Variants in TBCE observed in about 807,000 individuals in gnomAD.
The protein encoded by TBCE is tubulin-specific chaperone E.
A neutral mutation model predicts 77.0 loss-of-function variants in TBCE; 53 were observed. That is an observed-to-expected ratio of 0.69 (90% CI 0.55 to 0.87). The LOEUF (loss-of-function observed/expected upper bound fraction) is 0.87. Ranked by LOEUF, TBCE falls within the 40% of genes least tolerant of loss-of-function variation. TBCE has a pLI of 0.00. For synonymous variants in TBCE, 235 were observed against 241.3 expected, an observed-to-expected ratio of 0.97 and a Z score of 0.24; for missense variants, 624 against 622.4, an observed-to-expected ratio of 1.00 and a Z score of -0.03.
At chr1:235,405,436 G>A (rs958505883) in intron 3 of TBCE, among the ~76,000 whole-genome samples, 1 of 151,420 alleles carries the variant, frequency 6.6e-6, no homozygotes, top group African/African-American at 2.4e-5. Flanking sequence ...AAGAGTTCGG[G>A]ACCACCCTGG....
At chr1:235,396,962 A>G (rs550225151) in intron 2 of TBCE, among the ~76,000 whole-genome samples, 1 of 150,518 alleles carries the variant, frequency 6.6e-6, no homozygotes, top group Non-Finnish European at 1.5e-5. Flanking sequence ...TTGTTTATTT[A>G]TTTATTTATT....
At chr1:235,373,183 A>G (rs1212236750) in intron 1 of TBCE, among the ~76,000 whole-genome samples, 1 of 152,044 alleles carries the variant, frequency 6.6e-6, no homozygotes, top group Non-Finnish European at 1.5e-5. Context: ...GGAAGTTAAT[A>G]AAAGAAGTAG....
chr1:235,421,208 A>G (rs560959633), intron 5 of TBCE, among the ~76,000 whole-genome samples: 1 of 152,154 alleles, frequency 6.6e-6, no homozygotes, highest in South Asian at 2.1e-4. Flanking sequence ...ACTGTTTGAG[A>G]CCAGCCTTGG....
intron 12 of TBCE, among the ~76,000 whole-genome samples, chr1:235,437,918 A>G (rs977961994): frequency 1.3e-5 from 2 of 152,132 alleles, no homozygotes; most frequent in African/African-American, 2.4e-5. Flanking sequence ...AGCCTTGTGC[A>G]GTTTCATAAT....
intron 2 of TBCE, among the ~76,000 whole-genome samples, chr1:235,386,602 G>A (rs1386832276): frequency 6.6e-6 from 1 of 152,052 alleles, no homozygotes; most frequent in East Asian, 1.9e-4. Flanking sequence ...AGCTCCTGAG[G>A]CTTCTGCATT....
At chr1:235,375,541 T>G (rs1572312914) in intron 1 of TBCE, among the ~76,000 whole-genome samples, 1 of 151,604 alleles carries the variant, frequency 6.6e-6, no homozygotes, top group Non-Finnish European at 1.5e-5. Context: ...GCAATAAGGG[T>G]GCAGAGTGGG....
intron 7 of TBCE, 53 bp from the exon 8 acceptor site, chr1:235,434,151 G>A: frequency 1.3e-6 from 2 of 1,536,618 alleles, no homozygotes; most frequent in Non-Finnish European, 1.8e-6. Context: ...TGAACACCCG[G>A]GAAGAAACAG....
intron 8 of TBCE, 89 bp downstream of exon 8, chr1:235,434,369 T>C: frequency 8.4e-7 from 1 of 1,190,194 alleles, no homozygotes. Flanking sequence ...ACCTTAATTT[T>C]TAGAAGGATT....
At chr1:235,447,984 G>A (rs557141092) in intron 15 of TBCE, among the ~76,000 whole-genome samples, 3 of 152,190 alleles carry the variant, frequency 2.0e-5, no homozygotes, top group Admixed American at 1.3e-4. Context: ...GCCAGGGCGG[G>A]CGGATCACGA....
At position 235,446,349 on chromosome 1, in the gene TBCE, G is replaced by C. The variant is rs576262899; in HGVS notation, c.1400-2000G>C. ...CCGCCACCATGCCTGGCTAATTTTT[G>C]TATTTTTAGTAGAGACGGGGTTTCT... On this transcript the variant is annotated intron_variant, in intron 15 of 16. Coordinates refer to ENST00000642610, the MANE Select transcript of TBCE (RefSeq NM_003193.5). 5.3e-5 allele frequency among the ~76,000 whole-genome samples: 8 copies of C among 152,068 alleles called. No homozygotes were observed. In the South Asian group the frequency reaches 1.7e-3, roughly 32 times the overall value.
chr1:235,388,759 A>G (rs1558353467), intron 2 of TBCE, among the ~76,000 whole-genome samples: 2 of 152,234 alleles, frequency 1.3e-5, no homozygotes, highest in Non-Finnish European at 2.9e-5. Context: ...GTGTTCAGAA[A>G]GTTTTTTAGG....
At chr1:235,430,651 C>T in intron 6 of TBCE, 54 bp from the exon 7 acceptor site, 3 of 1,281,196 alleles carry the variant, frequency 2.3e-6, no homozygotes, top group Admixed American at 3.8e-5. Context: ...ACAACTATTT[C>T]AGTTGGGTTT....
chr1:235,401,717 A>G, intron 3 of TBCE, 130 bp downstream of exon 3: 1 of 810,408 alleles, frequency 1.2e-6, no homozygotes, highest in Non-Finnish European at 2.1e-6. Context: ...TTGTATTCCA[A>G]AAAGGCAGTT....
chr1:235,400,041 CA>C (rs1678997783), intron 2 of TBCE, among the ~76,000 whole-genome samples: 1 of 152,078 alleles, frequency 6.6e-6, no homozygotes, highest in Non-Finnish European at 1.5e-5. Flanking sequence ...CCTTACACAG[CA>C]GTTAATTTTT....
chr1:235,391,335 A>T (rs1678372324), intron 2 of TBCE, among the ~76,000 whole-genome samples: 4 of 151,904 alleles, frequency 2.6e-5, no homozygotes, highest in Non-Finnish European at 2.9e-5. Flanking sequence ...TACAAAAAAA[A>T]TTAGCTGGGT....
At chr1:235,437,523 G>T in intron 12 of TBCE, 49 bp downstream of exon 12, 3 of 1,605,874 alleles carry the variant, frequency 1.9e-6, no homozygotes, top group South Asian at 1.1e-5. Context: ...GAAAATAAAT[G>T]ATTTTAGGCC....
rs1370128394 is a variant in TBCE, at chr1:235,450,046, A to G, written c.*1284A>G. 7 of 774,632 alleles carry G rather than the reference A, an allele frequency of 9.0e-6. No individual in the cohort carries two copies. The African/African-American group carries it at 1.2e-4, about 13-fold the overall frequency. The allele number at this position is 774,632 out of a possible 1,614,324, so 48.0% of individuals were successfully genotyped here. A position where few individuals can be genotyped will look rare whatever the true frequency, so the allele number is the denominator to read the frequency against. Reference sequence around the variant, plus strand: ...AGTTGATTTTTAAGGAAATTTGTGCAAACATTAAGAAACACCGCATTGGTT... The same window carrying G: ...AGTTGATTTTTAAGGAAATTTGTGCGAACATTAAGAAACACCGCATTGGTT... On this transcript the variant is annotated 3_prime_UTR_variant, in exon 17 of 17. Coordinates refer to ENST00000642610, the MANE Select transcript of TBCE (RefSeq NM_003193.5).
At chr1:235,402,910 T>C (rs1157675065) in intron 3 of TBCE, among the ~76,000 whole-genome samples, 1 of 152,162 alleles carries the variant, frequency 6.6e-6, no homozygotes, top group African/African-American at 2.4e-5. Context: ...GGATTACAGA[T>C]GTGAGCCACT....
At chr1:235,435,526 G>A (rs971669154) in intron 8 of TBCE, among the ~76,000 whole-genome samples, 3 of 152,154 alleles carry the variant, frequency 2.0e-5, no homozygotes, top group Non-Finnish European at 4.4e-5. Flanking sequence ...GTAACAAGTT[G>A]CAAAACTATG....
Sources: allele counts gnomAD v4.1 joint callset (sites outside exome capture counted in the v4.1 genomes callset), GRCh38; gene constraint gnomAD v4.1.1; transcripts MANE v1.5; gene names NCBI Gene and HGNC (gene_info 2026-07-23, HGNC 2026-07-21).